PCDHA3: variants seen among roughly 807,000 people sequenced by gnomAD.
PCDHA3 encodes the protein protocadherin alpha 3.
In PCDHA3, 41 loss-of-function variants were observed where a neutral mutation model predicts 62.2. That is an observed-to-expected ratio of 0.66 (90% CI 0.51 to 0.86). PCDHA3 has a LOEUF of 0.86. Ranked by LOEUF, PCDHA3 falls within the 40% of genes least tolerant of loss-of-function variation. The pLI, the probability that PCDHA3 is intolerant of heterozygous loss-of-function variation, is 0.00. For missense variants in PCDHA3, 1,304 were observed against 1,241.2 expected (o/e 1.05, Z -0.76); for synonymous variants, 640 against 555.4 (o/e 1.15, Z -2.14).
chr5:140,841,818 C>T lies in PCDHA3; in HGVS notation c.2394+38227C>T, dbSNP rs2150323435. ...TCCGATGCAGATGTTGGAGCTAACT[C>T]CGTGTTAACCTACAGGCTTAGCTCT... On this transcript the variant is annotated intron_variant, in intron 1 of 3. Coordinates refer to ENST00000522353, the MANE Select transcript of PCDHA3 (RefSeq NM_018906.3). The T allele has an allele frequency of 1.9e-6, 3 of 1,613,912 alleles. No homozygotes were observed. In the South Asian group the frequency reaches 3.3e-5, roughly 18 times the overall value.
At chr5:140,886,827 GAAAA>G (rs782016620) in intron 1 of PCDHA3, among the ~76,000 whole-genome samples, 16 of 60,888 alleles carry the variant, frequency 2.6e-4, no homozygotes, top group Non-Finnish European at 3.3e-4. Flanking sequence ...ACTTCGTCTT[GAAAA>G]AAAAAAAAAA....
chr5:140,855,635 T>G (rs1281474999), intron 1 of PCDHA3, among the ~76,000 whole-genome samples: 4 of 149,818 alleles, frequency 2.7e-5, no homozygotes, highest in African/African-American at 7.4e-5. Flanking sequence ...ATTCGGCTAT[T>G]GATAATCATG....
chr5:140,848,439 G>A (rs2150410405), intron 1 of PCDHA3: 1 of 1,486,148 alleles, frequency 6.7e-7, no homozygotes, highest in African/African-American at 1.4e-5. Flanking sequence ...GAAATCAGAT[G>A]ATTTCTTCTA....
chr5:140,810,168 T>A (rs964600024), intron 1 of PCDHA3: 1 of 152,318 alleles, frequency 6.6e-6, no homozygotes, highest in South Asian at 2.1e-4. Flanking sequence ...TGTTGTTATA[T>A]GTAGTTGTAG....
chr5:140,965,036 G>A (rs568573122), intron 1 of PCDHA3, among the ~76,000 whole-genome samples: 1 of 152,272 alleles, frequency 6.6e-6, no homozygotes, highest in African/African-American at 2.4e-5. Context: ...TTAACTGTCC[G>A]CTCTAGGAGG....
At chr5:140,807,075 C>T in intron 1 of PCDHA3, 1 of 1,229,574 alleles carries the variant, frequency 8.1e-7, no homozygotes, top group Non-Finnish European at 1.1e-6. Context: ...ACCATATACA[C>T]TCTTTGGAGT....
chr5:140,858,703 T>C lies in PCDHA3; in HGVS notation c.2394+55112T>C, dbSNP rs918251691. 1.1e-5 allele frequency: 6 copies of C among 560,482 alleles called. 2 individuals carry two copies. The highest frequency in any genetic ancestry group is 1.8e-5 in the Non-Finnish European group (6 of 325,182). 34.7% of individuals were successfully genotyped at this position (560,482 alleles called of 1,614,324 possible). ...ACACTAATATTTTCCAATACAAATATGTGATATAGGTTGCAGTTCTGACGA... is the reference window on the plus strand; with the variant it reads ...ACACTAATATTTTCCAATACAAATACGTGATATAGGTTGCAGTTCTGACGA... On this transcript the variant is annotated intron_variant, in intron 1 of 3. Coordinates refer to ENST00000522353, the MANE Select transcript of PCDHA3 (RefSeq NM_018906.3).
At chr5:140,824,650 G>A (rs1768319030) in intron 1 of PCDHA3, 1 of 120,748 alleles carries the variant, frequency 8.3e-6, no homozygotes. Flanking sequence ...GTAGAGATAG[G>A]GGTCTTGCTA....
chr5:140,803,593 T>C lies in PCDHA3; in HGVS notation c.2394+2T>C, dbSNP rs782270719. 28 of 1,614,060 alleles carry C rather than the reference T, an allele frequency of 1.7e-5. No homozygotes were observed. Among genetic ancestry groups the C allele is most frequent in the South Asian group, 4.4e-5 (4 of 91,084 alleles). ...GTGGACGTTGATCTCTCAGCCAAAG[T>C]GAGTAATTTTTATTTATTCTTTCCA... On this transcript the variant is annotated splice_donor_variant, in intron 1 of 3. Transcript: ENST00000522353. LOFTEE classifies it high-confidence loss of function.
chr5:140,979,972 C>T (rs1393315984), intron 2 of PCDHA3, among the ~76,000 whole-genome samples: 1 of 152,176 alleles, frequency 6.6e-6, no homozygotes, highest in East Asian at 1.9e-4. Context: ...CATTAAAATG[C>T]ATTAGATTGA....
Position 140,836,456 on chromosome 5 carries a change from C to T in PCDHA3, c.2394+32865C>T, listed in dbSNP as rs2150261271. ...CGTTGGGCATTGCAGGCCCAGAGAC[C>T]GAGCTGGTGGATGTCAACGTGTACC... is the stretch of plus-strand genomic sequence containing the variant. On this transcript the variant is annotated intron_variant, in intron 1 of 3. Coordinates refer to ENST00000522353, the MANE Select transcript of PCDHA3 (RefSeq NM_018906.3). 9 of 1,613,808 alleles carry T rather than the reference C, an allele frequency of 5.6e-6. No individual in the cohort carries two copies. In the South Asian group the frequency reaches 7.7e-5, roughly 14 times the overall value.
intron 1 of PCDHA3, among the ~76,000 whole-genome samples, chr5:140,900,475 C>G (rs2153470131): frequency 6.6e-6 from 1 of 152,298 alleles, no homozygotes; most frequent in East Asian, 1.9e-4. Flanking sequence ...CGGAGTTTCT[C>G]CATGTTGGTC....
intron 1 of PCDHA3, chr5:140,967,704 G>A: frequency 6.2e-7 from 1 of 1,614,196 alleles, no homozygotes; most frequent in Non-Finnish European, 8.5e-7. Context: ...ATAGATGCCA[G>A]TACCGGGGAA....
chr5:140,828,047 T>C, intron 1 of PCDHA3: 1 of 1,543,604 alleles, frequency 6.5e-7, no homozygotes, highest in Non-Finnish European at 8.7e-7. Flanking sequence ...ATTTTATCTT[T>C]ATGCGGAAGA....
chr5:140,822,224 G>C (rs2150114696), intron 1 of PCDHA3: 3 of 1,614,208 alleles, frequency 1.9e-6, no homozygotes, highest in East Asian at 4.5e-5. Context: ...CCAGATTCGC[G>C]GTTTCCGCTA....
intron 1 of PCDHA3, chr5:140,807,354 T>C (rs918123295): frequency 1.2e-6 from 2 of 1,610,696 alleles, no homozygotes; most frequent in African/African-American, 2.7e-5. Flanking sequence ...GGACTGGAGC[T>C]GGCGGAGCTG....
Position 140,913,941 on chromosome 5 carries a change from C to T in PCDHA3, c.2395-65008C>T, listed in dbSNP as rs950871389. ...TACTTCATTGTGGTCAGAGAAGAAT[C>T]TTGATATGATATCATTTTTAAAAAA... On this transcript the variant is annotated intron_variant, in intron 1 of 3. Transcript: ENST00000522353. Among the ~76,000 whole-genome samples, 3 of 152,102 alleles carry T rather than the reference C, an allele frequency of 2.0e-5. No homozygotes were observed. In the East Asian group the frequency reaches 5.8e-4, roughly 29 times the overall value.
At chr5:140,929,191 A>G in intron 1 of PCDHA3, 1 of 1,614,118 alleles carries the variant, frequency 6.2e-7, no homozygotes, top group Non-Finnish European at 8.5e-7. Flanking sequence ...TTCTGATAAT[A>G]ACAGTTTGCT....
intron 1 of PCDHA3, chr5:140,871,159 GC>G (rs1562658226): frequency 6.2e-7 from 1 of 1,613,450 alleles, no homozygotes; most frequent in Non-Finnish European, 8.5e-7. Flanking sequence ...GGCGGGCGCC[GC>G]GAGCCCAGAG....
Sources: allele counts gnomAD v4.1 joint callset (sites outside exome capture counted in the v4.1 genomes callset), GRCh38; gene constraint gnomAD v4.1.1; transcripts MANE v1.5; gene names NCBI Gene and HGNC (gene_info 2026-07-23, HGNC 2026-07-21).